ZBTB40: variants seen among roughly 807,000 people sequenced by gnomAD.
ZBTB40 encodes the protein zinc finger and BTB domain-containing protein 40.
In ZBTB40, 60 loss-of-function variants were observed where a neutral mutation model predicts 117.5. The observed-to-expected ratio is 0.51, with a 90% confidence interval of 0.41 to 0.63. ZBTB40 has a LOEUF of 0.63. ZBTB40 is among the 30% of genes least tolerant of loss of function. The pLI, the probability that ZBTB40 is intolerant of heterozygous loss-of-function variation, is 0.00. For synonymous variants in ZBTB40, 525 were observed against 577.1 expected (o/e 0.91, Z 1.29); for missense variants, 1,287 against 1,498.5 (o/e 0.86, Z 2.33).
chr1:22,489,216 T>C (rs1029295762), intron 1 of ZBTB40, among the ~76,000 whole-genome samples: 1 of 152,124 alleles, frequency 6.6e-6, no homozygotes, highest in Non-Finnish European at 1.5e-5. Flanking sequence ...ATTTAGATGA[T>C]ATTTCAAAGC....
intron 1 of ZBTB40, among the ~76,000 whole-genome samples, chr1:22,489,365 A>G (rs1329976613): frequency 1.3e-5 from 2 of 152,178 alleles, no homozygotes; most frequent in Non-Finnish European, 2.9e-5. Flanking sequence ...AAGGAGAACC[A>G]AGTGAAAAAT....
rs1213303889 is a variant in ZBTB40, at chr1:22,526,363, C to T, written c.3687C>T (p.Gly1229=). 1 of 1,614,216 alleles carries T rather than the reference C, an allele frequency of 6.2e-7. No individual in the cohort carries two copies. Among genetic ancestry groups the T allele is most frequent in the East Asian group, 2.2e-5 (1 of 44,874 alleles). Residue 1229 remains glycine (G), a synonymous_variant, in exon 18 of 18, where the codon GGC becomes GGT. Transcript: ENST00000375647. ...VAVTVEDLLD[G]TVTLICGEAK is the part of the protein sequence containing the mutation. ...TGACTGTGGAGGACTTGCTGGATGG[C>T]ACAGTGACGCTGATCTGTGGTGAGG...
In ZBTB40 at chr1:22,521,630, C is replaced by G. The variant is rs1466712346; in HGVS notation, c.3183C>G (p.His1061Gln). The change falls in exon 15 of 18, where the codon CAC becomes CAG. Residue 1061 changes from histidine (H) to glutamine (Q), a missense_variant. This residue lies in a region of ZBTB40 where 417 missense variants were observed against 564.1 expected (regional missense o/e 0.74). Transcript: ENST00000375647. ...CDKTFPNTIE[H>Q]KKHIKAEHAD... is the part of the protein sequence containing the mutation. ...AAACCTTCCCCAACACCATTGAGCA[C>G]AAGAAGCACATCAAAGCAGAACATG... 6.2e-7 allele frequency: 1 copy of G among 1,614,226 alleles called. No homozygotes were observed.
At chr1:22,441,037 A>T (rs531286010) in intron 1 of ZBTB40, among the ~76,000 whole-genome samples, 152 of 152,284 alleles carry the variant, frequency 1.0e-3, no homozygotes, top group Non-Finnish European at 1.9e-3. Flanking sequence ...TTTTTGGAAA[A>T]TTCTGAAAAT....
intron 3 of ZBTB40, among the ~76,000 whole-genome samples, chr1:22,500,617 A>G (rs1160262528): frequency 6.6e-6 from 1 of 152,244 alleles, no homozygotes; most frequent in Non-Finnish European, 1.5e-5. Flanking sequence ...TCGGAAGAGA[A>G]TTGTGATACA....
chr1:22,497,253 C>A (rs1638804344), intron 3 of ZBTB40, among the ~76,000 whole-genome samples: 1 of 152,178 alleles, frequency 6.6e-6, no homozygotes, highest in Admixed American at 6.5e-5. Flanking sequence ...ACTCCCAAAG[C>A]TGAAGACCTA....
At chr1:22,473,026 GC>G (rs1641448665) in intron 1 of ZBTB40, among the ~76,000 whole-genome samples, 1 of 152,212 alleles carries the variant, frequency 6.6e-6, no homozygotes, top group African/African-American at 2.4e-5. Flanking sequence ...AAGGGCAGGT[GC>G]AAAAGAGGGA....
intron 1 of ZBTB40, among the ~76,000 whole-genome samples, chr1:22,480,105 C>A (rs929032325): frequency 6.6e-6 from 1 of 152,116 alleles, no homozygotes; most frequent in Non-Finnish European, 1.5e-5. Context: ...CGGTGTTTCG[C>A]CGTGTTGGCT....
chr1:22,444,299 A>C (rs1447918719), intron 1 of ZBTB40, among the ~76,000 whole-genome samples: 1 of 152,140 alleles, frequency 6.6e-6, no homozygotes, highest in Non-Finnish European at 1.5e-5. Flanking sequence ...GGGCACCTGT[A>C]GTCCTAGCTA....
chr1:22,469,539 GGTTTTTTT>G (rs1287043836), intron 1 of ZBTB40, among the ~76,000 whole-genome samples: 4 of 152,068 alleles, frequency 2.6e-5, no homozygotes, highest in South Asian at 2.1e-4. Context: ...CACCTGATAG[GGTTTTTTT>G]GTTTTTTTGT....
chr1:22,518,405 C>G (rs1446143256), intron 13 of ZBTB40, among the ~76,000 whole-genome samples: 1 of 152,122 alleles, frequency 6.6e-6, no homozygotes, highest in Non-Finnish European at 1.5e-5. Flanking sequence ...CATGACACTC[C>G]ACGCCTGACA....
chr1:22,473,511 T>G (rs1035759954), intron 1 of ZBTB40, among the ~76,000 whole-genome samples: 1 of 152,210 alleles, frequency 6.6e-6, no homozygotes. Flanking sequence ...TACTTAAATA[T>G]CAGTAGCTAT....
chr1:22,503,260 A>G (rs1307560137), intron 5 of ZBTB40, among the ~76,000 whole-genome samples: 3 of 151,490 alleles, frequency 2.0e-5, no homozygotes, highest in Admixed American at 6.6e-5. Context: ...CGTTTGATAT[A>G]TATTGCCAAA....
At position 22,526,605 on chromosome 1, in the gene ZBTB40, C is replaced by G. The variant is rs913925300; in HGVS notation, c.*209C>G. 29 of 618,200 alleles carry G rather than the reference C, an allele frequency of 4.7e-5. No individual in the cohort carries two copies. Among genetic ancestry groups the G allele is most frequent in the Middle Eastern group, 4.4e-4 (1 of 2,268 alleles). 38.3% of individuals were successfully genotyped at this position (618,200 alleles called of 1,614,324 possible). A position where few individuals can be genotyped will look rare whatever the true frequency, so the allele number is the denominator to read the frequency against. On this transcript the variant is annotated 3_prime_UTR_variant, in exon 18 of 18. Coordinates refer to ENST00000375647, the MANE Select transcript of ZBTB40 (RefSeq NM_014870.4). Reference sequence around the variant, plus strand: ...AGCCCTCAACACCAACAGCACCATCCTCTGTAGCAGACAGGCCTCCCTCCC... The same window carrying G: ...AGCCCTCAACACCAACAGCACCATCGTCTGTAGCAGACAGGCCTCCCTCCC...
chr1:22,470,006 C>G (rs941664748), intron 1 of ZBTB40, among the ~76,000 whole-genome samples: 4 of 152,108 alleles, frequency 2.6e-5, no homozygotes, highest in Admixed American at 6.5e-5. Context: ...GCTGTATAAC[C>G]AGCCTAGTGC....
At position 22,511,998 on chromosome 1, in the gene ZBTB40, G is replaced by A. The variant is rs970160571; in HGVS notation, c.2325G>A (p.Lys775=). The change falls in exon 11 of 18, where the codon AAG becomes AAA. Residue 775 remains lysine, a synonymous_variant. Transcript: ENST00000375647. ...AGTGTAAGGAGTGCAGTGAGACCAA[G>A]GATTCAAAGAAAGAGCTGGACAAAC... The part of the protein sequence containing the change: ...QVQCKECSET[K]DSKKELDKHQ... The A allele has an allele frequency of 9.3e-6, 15 of 1,614,054 alleles. No individual in the cohort carries two copies. The highest frequency in any genetic ancestry group is 1.1e-5 in the Non-Finnish European group (13 of 1,180,052).
intron 1 of ZBTB40, among the ~76,000 whole-genome samples, chr1:22,436,784 G>T (rs1640676056): frequency 6.6e-6 from 1 of 152,112 alleles, no homozygotes. Context: ...TCTAGGATAT[G>T]TTAGAATTCC....
chr1:22,495,309 A>G lies in ZBTB40; in HGVS notation c.831+3776A>G, dbSNP rs1638743235. ...TGAGAAATCAAAGCCAAAACTTATT[A>G]AAGAGAAATCTCTTGGGTGCTGGGA... On this transcript the variant is annotated intron_variant, in intron 3 of 17. Coordinates refer to ENST00000375647, the MANE Select transcript of ZBTB40 (RefSeq NM_014870.4). 2.6e-5 allele frequency among the ~76,000 whole-genome samples: 4 copies of G among 152,220 alleles called. No homozygotes were observed. In the South Asian group the frequency reaches 8.3e-4, roughly 32 times the overall value.
chr1:22,454,068 ACCT>A (rs1640948192), intron 1 of ZBTB40, among the ~76,000 whole-genome samples: 1 of 151,542 alleles, frequency 6.6e-6, no homozygotes, highest in South Asian at 2.1e-4. Flanking sequence ...TTCTGCCTCA[ACCT>A]CCTGAATGGC....
Sources: gnomAD v4.1 joint callset for allele counts (sites outside exome capture counted in the v4.1 genomes callset) on GRCh38, gnomAD v4.1.1 for gene constraint, gnomAD v4.1.1 regional missense constraint, MANE v1.5 for transcripts, NCBI Gene and HGNC (gene_info 2026-07-23, HGNC 2026-07-21) for gene names.